RBFOX1: variants seen among roughly 807,000 people sequenced by gnomAD.
The protein encoded by RBFOX1 is RNA binding protein fox-1 homolog 1.
In RBFOX1, 8 loss-of-function variants were observed where a neutral mutation model predicts 57.7. The observed-to-expected ratio is 0.14, with a 90% CI of 0.08 to 0.25. RBFOX1 has a LOEUF of 0.25. RBFOX1 is among the 10% of genes least tolerant of loss of function. The pLI is 1.00. For missense variants in RBFOX1, 611 were observed against 548.5 expected, an observed-to-expected ratio of 1.11 and a Z score of -1.14; for synonymous variants, 326 against 222.4, an observed-to-expected ratio of 1.47 and a Z score of -4.15.
At chr16:5,745,319 C>A (rs569609205) in intron 3 of RBFOX1, among the ~76,000 whole-genome samples, 2 of 152,170 alleles carry the variant, frequency 1.3e-5, no homozygotes. Flanking sequence ...ATATGTGCCA[C>A]AATTTCTTAA....
intron 7 of RBFOX1, among the ~76,000 whole-genome samples, chr16:7,588,442 G>C (rs988928810): frequency 6.6e-6 from 1 of 152,160 alleles, no homozygotes; most frequent in African/African-American, 2.4e-5. Context: ...AGACACAGGG[G>C]GTTAACAGGG....
chr16:5,410,068 A>T lies in RBFOX1; in HGVS notation c.220-57148A>T, dbSNP rs1162441150. Among the ~76,000 whole-genome samples, 5 of 146,442 alleles carry T rather than the reference A, an allele frequency of 3.4e-5. No homozygotes were observed. In the East Asian group the frequency reaches 8.1e-4, roughly 24 times the overall value. On this transcript the variant is annotated intron_variant, in intron 1 of 2. Coordinates refer to the RBFOX1 transcript ENST00000585867. ...ATCTCAAAAAAAAAAAAAAAAAAATAATAATCAACATGCAGCTGGGAAAGG... is the reference window on the plus strand; with the variant it reads ...ATCTCAAAAAAAAAAAAAAAAAAATTATAATCAACATGCAGCTGGGAAAGG...
At chr16:6,931,542 C>T (rs1167370068) in intron 3 of RBFOX1, among the ~76,000 whole-genome samples, 2 of 152,104 alleles carry the variant, frequency 1.3e-5, no homozygotes, top group South Asian at 2.1e-4. Context: ...CCAATTTGTT[C>T]ACCCAAGGGC....
At chr16:6,032,087 G>A (rs1256161564) in intron 1 of RBFOX1, among the ~76,000 whole-genome samples, 1 of 151,990 alleles carries the variant, frequency 6.6e-6, no homozygotes, top group Admixed American at 6.6e-5. Flanking sequence ...GCACCACAGA[G>A]ACCCTTAGCC....
In RBFOX1 at chr16:6,988,396, T is replaced by C. The variant is rs554739100; in HGVS notation, c.-15-63661T>C. On this transcript the variant is annotated intron_variant, in intron 3 of 15. Transcript: ENST00000550418. ...TATGGTTATTGAGTGAGTTAAGATA[T>C]ATGCTGGATTTCAAAGACTTAGTAT... 3.3e-5 allele frequency among the ~76,000 whole-genome samples: 5 copies of C among 152,314 alleles called. No individual in the cohort carries two copies. The South Asian group carries it at 1.0e-3, about 32-fold the overall frequency.
At position 5,787,147 on chromosome 16, in the gene RBFOX1, A is replaced by G. The variant is rs1329917491; in HGVS notation, c.319-80156A>G. On this transcript the variant is annotated intron_variant, in intron 3 of 19. Transcript: ENST00000641259. Reference sequence around the variant, plus strand: ...AGATACTGTCTCCCAAAAAAATAATAACACAGGAGGAGCTCATAGCATTTC... The same window carrying G: ...AGATACTGTCTCCCAAAAAAATAATGACACAGGAGGAGCTCATAGCATTTC... Among the ~76,000 whole-genome samples the G allele has an allele frequency of 2.0e-5, 3 of 152,150 alleles. No individual in the cohort carries two copies. In the East Asian group the frequency reaches 5.8e-4, roughly 29 times the overall value.
At chr16:7,433,101 G>T (rs376228812) in intron 4 of RBFOX1, among the ~76,000 whole-genome samples, 1 of 152,092 alleles carries the variant, frequency 6.6e-6, no homozygotes, top group East Asian at 1.9e-4. Flanking sequence ...GGATAGTTGG[G>T]GTTGGTGTGC....
intron 3 of RBFOX1, among the ~76,000 whole-genome samples, chr16:6,818,378 C>T (rs7202526): frequency 0.23 from 35,433 of 151,872 alleles, 4,601 homozygotes; most frequent in Non-Finnish European, 0.3. Context: ...GGGACTTAAA[C>T]CAAGTTTAGA....
chr16:5,920,320 T>C (rs535025723), intron 4 of RBFOX1, among the ~76,000 whole-genome samples: 25 of 152,342 alleles, frequency 1.6e-4, no homozygotes, highest in African/African-American at 6.0e-4. Context: ...TATAATTGTA[T>C]GTAGAGAGAT....
chr16:6,724,582 G>T (rs942339268), intron 3 of RBFOX1, among the ~76,000 whole-genome samples: 1 of 151,996 alleles, frequency 6.6e-6, no homozygotes, highest in African/African-American at 2.4e-5. Context: ...TGGACTTCCC[G>T]GCCTCCAGAA....
At chr16:5,620,366 A>G (rs2048166704) in intron 3 of RBFOX1, among the ~76,000 whole-genome samples, 1 of 152,190 alleles carries the variant, frequency 6.6e-6, no homozygotes, top group Non-Finnish European at 1.5e-5. Flanking sequence ...TATACAGCAT[A>G]GCAAGATCTG....
chr16:5,532,471 C>A (rs548591711), intron 2 of RBFOX1, among the ~76,000 whole-genome samples: 1 of 152,284 alleles, frequency 6.6e-6, no homozygotes, highest in Admixed American at 6.5e-5. Flanking sequence ...TCACAAGACC[C>A]CCTGGTGAGT....
At chr16:6,928,521 C>T (rs1213868132) in intron 3 of RBFOX1, among the ~76,000 whole-genome samples, 1 of 152,084 alleles carries the variant, frequency 6.6e-6, no homozygotes, top group East Asian at 1.9e-4. Context: ...CACCTCTTGT[C>T]TTCTCTAATC....
chr16:5,631,784 G>A (rs371939251), intron 3 of RBFOX1, among the ~76,000 whole-genome samples: 2 of 152,094 alleles, frequency 1.3e-5, no homozygotes, highest in Non-Finnish European at 2.9e-5. Context: ...TCCAGAGTCT[G>A]GTGAAAGGAA....
At chr16:7,032,172 C>T (rs1395250652) in intron 3 of RBFOX1, among the ~76,000 whole-genome samples, 1 of 152,038 alleles carries the variant, frequency 6.6e-6, no homozygotes, top group Admixed American at 6.6e-5. Context: ...CACCTGTAAT[C>T]CCAGTTCTTT....
chr16:7,047,351 A>C (rs987317288), intron 3 of RBFOX1, among the ~76,000 whole-genome samples: 1 of 152,266 alleles, frequency 6.6e-6, no homozygotes, highest in South Asian at 2.1e-4. Flanking sequence ...GTATTTCAAT[A>C]ACTGTGTGTT....
chr16:6,241,849 A>G (rs1861417811), intron 1 of RBFOX1, among the ~76,000 whole-genome samples: 1 of 152,196 alleles, frequency 6.6e-6, no homozygotes, highest in African/African-American at 2.4e-5. Flanking sequence ...GCATGTAAAC[A>G]TGGTGAACTG....
intron 4 of RBFOX1, among the ~76,000 whole-genome samples, chr16:5,937,628 A>C (rs1454518634): frequency 6.6e-6 from 1 of 150,478 alleles, no homozygotes; most frequent in Non-Finnish European, 1.5e-5. Context: ...ATAGAACTTT[A>C]TAATACAGTT....
At chr16:6,045,447 C>G (rs1189900276) in intron 1 of RBFOX1, among the ~76,000 whole-genome samples, 2 of 152,170 alleles carry the variant, frequency 1.3e-5, no homozygotes, top group Non-Finnish European at 2.9e-5. Context: ...TAGCAAAACA[C>G]AGCCAGACCT....
Sources: gnomAD v4.1 joint callset for allele counts (sites outside exome capture counted in the v4.1 genomes callset) on GRCh38, gnomAD v4.1.1 for gene constraint, MANE v1.5 for transcripts, NCBI Gene and HGNC (gene_info 2026-07-23, HGNC 2026-07-21) for gene names.